The following FOXK2 variants were observed in gnomAD, a reference collection of about 807,000 sequenced individuals.
FOXK2 encodes the protein forkhead box protein K2.
FOXK2 carries 24 observed loss-of-function variants against 53.3 expected under a neutral mutation model. That is an observed-to-expected ratio of 0.45 (90% confidence interval 0.33 to 0.63). FOXK2 has a LOEUF of 0.63. FOXK2 is among the 30% of genes least tolerant of loss of function. The probability of loss-of-function intolerance (pLI) is 0.03; values close to 1 mark genes in which losing one functional copy is unlikely to be tolerated. For missense variants in FOXK2, 952 were observed against 910.5 expected (o/e 1.05, Z -0.59); for synonymous variants, 505 against 407.1 (o/e 1.24, Z -2.89).
In FOXK2 at chr17:82,585,951, C is replaced by T. The variant is rs1369049427; in HGVS notation, c.1327C>T (p.Leu443=). Reference sequence around the variant, plus strand: ...AGTCTTAATCACCGTCCAGCGGCAGCTACCACAGGCCATCAAGCCTGTCAC... The same window carrying T: ...AGTCTTAATCACCGTCCAGCGGCAGTTACCACAGGCCATCAAGCCTGTCAC... ...QPVLITVQRQ[L]PQAIKPVTYT... Residue 443 remains leucine, a synonymous_variant, in exon 7 of 9, where the codon CTA becomes TTA. Coordinates refer to ENST00000335255, the MANE Select transcript of FOXK2 (RefSeq NM_004514.4). The T allele has an allele frequency of 4.3e-6, 7 of 1,612,700 alleles. No individual in the cohort carries two copies. Among genetic ancestry groups the T allele is most frequent in the Non-Finnish European group, 5.9e-6 (7 of 1,179,898 alleles).
At chr17:82,560,015 T>C (rs1206941880) in intron 1 of FOXK2, among the ~76,000 whole-genome samples, 2 of 148,386 alleles carry the variant, frequency 1.3e-5, no homozygotes, top group African/African-American at 5.0e-5. Context: ...TTTTTTTTTT[T>C]TTTTTTTTTT....
At position 82,584,125 on chromosome 17, in the gene FOXK2, C is replaced by A. The variant is rs752777895; in HGVS notation, c.1216C>A (p.Pro406Thr). The part of the protein sequence containing the change: ...EGSPAPLEPE[P>T]GAAQPKLAVI... Reference sequence around the variant, plus strand: ...TTCGCCGGCCCCCCTGGAGCCTGAGCCTGGCGCTGCACAGCCCAAACTCGC... The same window carrying A: ...TTCGCCGGCCCCCCTGGAGCCTGAGACTGGCGCTGCACAGCCCAAACTCGC... Residue 406 changes from proline (P) to threonine (T), a missense_variant, in exon 6 of 9, where the codon CCT (proline) becomes ACT (threonine). Physicochemically the swap from Pro to Thr is conservative, Grantham distance 38. This residue lies in a region of FOXK2 where 551 missense variants were observed against 385.1 expected (regional missense o/e 1.43). Coordinates refer to ENST00000335255, the MANE Select transcript of FOXK2 (RefSeq NM_004514.4). 15 of 1,610,978 alleles carry A rather than the reference C, an allele frequency of 9.3e-6. No homozygotes were observed. The East Asian group carries it at 3.1e-4, about 34-fold the overall frequency.
intron 1 of FOXK2, among the ~76,000 whole-genome samples, chr17:82,545,055 T>C (rs1185134504): frequency 6.6e-6 from 1 of 152,204 alleles, no homozygotes; most frequent in Non-Finnish European, 1.5e-5. Flanking sequence ...TTCTTCCCCA[T>C]TGCTGCTGAC....
rs535534529 is a variant in FOXK2, at chr17:82,603,414, G to A, written c.*1915G>A. On this transcript the variant is annotated 3_prime_UTR_variant, in exon 9 of 9. Coordinates refer to ENST00000335255, the MANE Select transcript of FOXK2 (RefSeq NM_004514.4). ...GGCTCCAGCTCTGTTGGTCACAGCT[G>A]ATGGGGTTCTCTGATTGATAGGAGA... 6.6e-6 allele frequency: 1 copy of A among 152,402 alleles called. No individual in the cohort carries two copies. The highest frequency in any genetic ancestry group is 2.1e-4 in the South Asian group (1 of 4,830). The allele number at this position is 152,402 out of a possible 1,614,324, so 9.4% of individuals were successfully genotyped here.
At chr17:82,591,716 AC>A (rs1361696085) in intron 8 of FOXK2, among the ~76,000 whole-genome samples, 1 of 152,096 alleles carries the variant, frequency 6.6e-6, no homozygotes, top group Admixed American at 6.6e-5. Flanking sequence ...CTCCCATCAC[AC>A]GTGCTGTGTA....
At chr17:82,587,943 A>G (rs976279281) in intron 8 of FOXK2, among the ~76,000 whole-genome samples, 1 of 152,142 alleles carries the variant, frequency 6.6e-6, no homozygotes, top group African/African-American at 2.4e-5. Flanking sequence ...CGGGATCTCA[A>G]GCAGGCAAAT....
intron 1 of FOXK2, among the ~76,000 whole-genome samples, chr17:82,522,411 CAG>C (rs1398627459): frequency 6.6e-6 from 1 of 151,450 alleles, no homozygotes; most frequent in Non-Finnish European, 1.5e-5. Flanking sequence ...CTCTGTCCCC[CAG>C]GCTGGAGTGC....
At chr17:82,584,526 G>A (rs1227942681) in intron 6 of FOXK2, among the ~76,000 whole-genome samples, 1 of 126,646 alleles carries the variant, frequency 7.9e-6, no homozygotes, top group East Asian at 2.3e-4. Flanking sequence ...AGACAAACTA[G>A]ACACTGGAAG....
chr17:82,524,858 C>T (rs528425057), intron 1 of FOXK2, among the ~76,000 whole-genome samples: 3 of 152,214 alleles, frequency 2.0e-5, no homozygotes, highest in Admixed American at 2.0e-4. Flanking sequence ...CTCTGGAGAA[C>T]CTGCAATTCA....
At chr17:82,549,781 T>C (rs554271901) in intron 1 of FOXK2, among the ~76,000 whole-genome samples, 4 of 151,264 alleles carry the variant, frequency 2.6e-5, no homozygotes, top group Non-Finnish European at 5.9e-5. Context: ...CTCCCTGATA[T>C]GTGCCTACAG....
intron 3 of FOXK2, 105 bp from the exon 4 acceptor site, chr17:82,571,619 G>A (rs3794723): frequency 0.44 from 503,628 of 1,134,558 alleles, 113,977 homozygotes; most frequent in South Asian, 0.55. Flanking sequence ...GACAAATGAG[G>A]TATCAGAGGA....
At chr17:82,601,258 G>A (rs369298221) in intron 8 of FOXK2, 45 bp from the exon 9 acceptor site, 21 of 1,583,738 alleles carry the variant, frequency 1.3e-5, no homozygotes, top group African/African-American at 4.0e-5. Context: ...AGTCGCGAGG[G>A]TTCACGTGAG....
At chr17:82,523,471 C>CT (rs368793665) in intron 1 of FOXK2, among the ~76,000 whole-genome samples, 33,946 of 140,162 alleles carry the variant, frequency 0.24, 4,427 homozygotes, top group South Asian at 0.33. Flanking sequence ...TGTTTAAAAT[C>CT]TTTTTTTTTT....
At chr17:82,524,521 AAG>A (rs1162650639) in intron 1 of FOXK2, among the ~76,000 whole-genome samples, 1 of 152,200 alleles carries the variant, frequency 6.6e-6, no homozygotes, top group Non-Finnish European at 1.5e-5. Context: ...ATGTGGATCC[AAG>A]TACTGTTTCC....
At chr17:82,562,184 G>T (rs1340855050) in intron 1 of FOXK2, among the ~76,000 whole-genome samples, 1 of 152,248 alleles carries the variant, frequency 6.6e-6, no homozygotes, top group Non-Finnish European at 1.5e-5. Flanking sequence ...TACATGAAGT[G>T]TGAACCAGAG....
intron 2 of FOXK2, among the ~76,000 whole-genome samples, 154 bp downstream of exon 2, chr17:82,563,702 A>G (rs963775628): frequency 6.7e-6 from 1 of 149,830 alleles, no homozygotes; most frequent in Non-Finnish European, 1.5e-5. Flanking sequence ...AATTTCCTGC[A>G]TTATGAAATG....
intron 1 of FOXK2, among the ~76,000 whole-genome samples, chr17:82,537,111 C>CA (rs1253860692): frequency 2.0e-5 from 3 of 152,156 alleles, no homozygotes; most frequent in Non-Finnish European, 4.4e-5. Flanking sequence ...TGGATCCACT[C>CA]AGCTCCTGGG....
At chr17:82,588,252 T>C (rs1468443199) in intron 8 of FOXK2, 1 of 152,628 alleles carries the variant, frequency 6.6e-6, no homozygotes, top group Non-Finnish European at 1.5e-5. Context: ...CAGTCATCAG[T>C]TACCTGTTTG....
intron 1 of FOXK2, among the ~76,000 whole-genome samples, chr17:82,548,354 A>AT (rs771160977): frequency 5.0e-4 from 75 of 150,944 alleles, no homozygotes; most frequent in East Asian, 3.9e-4. Flanking sequence ...CAGTATGTGT[A>AT]TTTTTTTTTA....
Sources: gnomAD v4.1 joint callset for allele counts (sites outside exome capture counted in the v4.1 genomes callset) on GRCh38, gnomAD v4.1.1 for gene constraint, gnomAD v4.1.1 regional missense constraint, MANE v1.5 for transcripts, NCBI Gene and HGNC (gene_info 2026-07-23, HGNC 2026-07-21) for gene names.